PLA2G4A: variants seen among roughly 807,000 people sequenced by gnomAD.
PLA2G4A encodes cytosolic phospholipase A2.
A neutral mutation model predicts 81.9 loss-of-function variants in PLA2G4A; 40 were observed. The observed-to-expected ratio is 0.49, with a 90% CI of 0.38 to 0.64. The LOEUF is 0.64. Ranked by LOEUF, PLA2G4A falls within the 30% of genes least tolerant of loss-of-function variation. The pLI, the probability that PLA2G4A is intolerant of heterozygous loss-of-function variation, is 0.00. For synonymous variants in PLA2G4A, 302 were observed against 296.9 expected (o/e 1.02, Z -0.18); for missense variants, 715 against 905.1 (o/e 0.79, Z 2.69).
chr1:186,875,542 T>C (rs1471953225), intron 3 of PLA2G4A, among the ~76,000 whole-genome samples: 1 of 152,090 alleles, frequency 6.6e-6, no homozygotes, highest in African/African-American at 2.4e-5. Context: ...AAATGATTAA[T>C]GCATGAAATG....
chr1:186,854,538 G>A (rs1652485186), intron 2 of PLA2G4A, 151 bp downstream of exon 2: 9 of 555,044 alleles, frequency 1.6e-5, no homozygotes, highest in South Asian at 5.4e-5. Context: ...AAGAGGCTAT[G>A]GAACATAATA....
intron 3 of PLA2G4A, among the ~76,000 whole-genome samples, chr1:186,879,267 A>T (rs1653637079): frequency 6.6e-6 from 1 of 152,020 alleles, no homozygotes; most frequent in Non-Finnish European, 1.5e-5. Flanking sequence ...ATGCAAAACA[A>T]AATGACAACG....
intron 7 of PLA2G4A, among the ~76,000 whole-genome samples, chr1:186,911,622 T>A (rs1398198462): frequency 6.6e-6 from 1 of 152,204 alleles, no homozygotes; most frequent in African/African-American, 2.4e-5. Context: ...TTTTACTTTA[T>A]ATTTTAGAGC....
At chr1:186,945,050 G>GA (rs529571085) in intron 10 of PLA2G4A, among the ~76,000 whole-genome samples, 2 of 151,414 alleles carry the variant, frequency 1.3e-5, no homozygotes, top group South Asian at 2.1e-4. Flanking sequence ...AGAAAAGCTA[G>GA]AAAAAAAAAT....
At chr1:186,950,789 C>A in intron 13 of PLA2G4A, 61 bp downstream of exon 13, 1 of 870,324 alleles carries the variant, frequency 1.1e-6, no homozygotes, top group South Asian at 1.3e-5. Context: ...AACACTCTGT[C>A]TGATTTTCTC....
At chr1:186,939,611 G>A (rs12129917) in intron 9 of PLA2G4A, among the ~76,000 whole-genome samples, 38,504 of 152,014 alleles carry the variant, frequency 0.25, 5,394 homozygotes, top group Admixed American at 0.4. Context: ...AAGAAAGGAA[G>A]GGGATCGCAT....
At chr1:186,880,546 A>C (rs1165066387) in intron 3 of PLA2G4A, among the ~76,000 whole-genome samples, 3 of 152,024 alleles carry the variant, frequency 2.0e-5, no homozygotes, top group African/African-American at 7.2e-5. Flanking sequence ...AGCAGCTAGA[A>C]GTCAGGGACA....
chr1:186,913,992 G>A lies in PLA2G4A; in HGVS notation c.558+2603G>A, dbSNP rs1365801265. Among the ~76,000 whole-genome samples the A allele has an allele frequency of 2.0e-5, 3 of 152,072 alleles. No homozygotes were observed. The East Asian group carries it at 5.8e-4, about 29-fold the overall frequency. ...CTCTAAGATGAGATGCTGCTTAAGG[G>A]GAATTTTTGCTTAAAGGAAACTAAG... On this transcript the variant is annotated intron_variant, in intron 7 of 17. Coordinates refer to ENST00000367466, the MANE Select transcript of PLA2G4A (RefSeq NM_024420.3).
chr1:186,850,354 G>A (rs1452926899), intron 1 of PLA2G4A, among the ~76,000 whole-genome samples: 1 of 152,088 alleles, frequency 6.6e-6, no homozygotes, highest in Non-Finnish European at 1.5e-5. Context: ...GAAACTCATT[G>A]ATGATATTTT....
chr1:186,838,951 C>A (rs771191279), intron 1 of PLA2G4A, among the ~76,000 whole-genome samples: 2 of 152,182 alleles, frequency 1.3e-5, no homozygotes, highest in Non-Finnish European at 2.9e-5. Context: ...AAGTCACTTC[C>A]TTTTCTTTTC....
intron 3 of PLA2G4A, among the ~76,000 whole-genome samples, chr1:186,887,653 C>G (rs576974603): frequency 1.1e-4 from 16 of 152,100 alleles, no homozygotes; most frequent in African/African-American, 3.9e-4. Flanking sequence ...TGACTCAACA[C>G]GCAATTGCCC....
At chr1:186,941,422 T>C (rs1656150303) in intron 10 of PLA2G4A, among the ~76,000 whole-genome samples, 1 of 152,202 alleles carries the variant, frequency 6.6e-6, no homozygotes, top group Non-Finnish European at 1.5e-5. Context: ...TTTATTAAAA[T>C]ATTGGCTAAA....
chr1:186,987,687 C>T (rs1251804474), intron 17 of PLA2G4A, among the ~76,000 whole-genome samples: 1 of 152,208 alleles, frequency 6.6e-6, no homozygotes, highest in Non-Finnish European at 1.5e-5. Flanking sequence ...ACTAGGTTAA[C>T]TTCATACCAA....
Position 186,932,856 on chromosome 1 carries a change from C to A in PLA2G4A, c.652C>A (p.Leu218Met). Residue 218 changes from leucine to methionine, a missense_variant, in exon 8 of 18, where the codon CTG (leucine) becomes ATG (methionine). Transcript: ENST00000367466. ...GAAGGCATTATACGAATCAGGAATT[C>A]TGGATTGTGCTACCTACGTTGCTGG... ...VMKALYESGI[L>M]DCATYVAGLS... 6.2e-7 allele frequency: 1 copy of A among 1,613,014 alleles called. No individual in the cohort carries two copies. Among genetic ancestry groups the A allele is most frequent in the East Asian group, 2.2e-5 (1 of 44,874 alleles).
At chr1:186,985,523 T>G (rs967350119) in intron 17 of PLA2G4A, among the ~76,000 whole-genome samples, 3 of 152,166 alleles carry the variant, frequency 2.0e-5, no homozygotes, top group African/African-American at 4.8e-5. Flanking sequence ...ATACTTAACT[T>G]TCTCTCTTGG....
chr1:186,896,880 G>A (rs1654349851), intron 5 of PLA2G4A, among the ~76,000 whole-genome samples: 1 of 152,128 alleles, frequency 6.6e-6, no homozygotes, highest in Admixed American at 6.5e-5. Context: ...TGGCTAAGGG[G>A]AGAGTCCCCT....
chr1:186,900,935 T>G (rs1017786991), intron 5 of PLA2G4A, among the ~76,000 whole-genome samples: 1 of 152,156 alleles, frequency 6.6e-6, no homozygotes, highest in Non-Finnish European at 1.5e-5. Flanking sequence ...TGCTTATTCA[T>G]GAGTGCAACT....
At chr1:186,841,472 G>C (rs1651980541) in intron 1 of PLA2G4A, among the ~76,000 whole-genome samples, 1 of 152,200 alleles carries the variant, frequency 6.6e-6, no homozygotes, top group South Asian at 2.1e-4. Flanking sequence ...AGGGTATAAA[G>C]AAAGAGTACC....
intron 7 of PLA2G4A, 49 bp downstream of exon 7, chr1:186,911,438 C>G (rs773705819): frequency 1.5e-6 from 2 of 1,367,586 alleles, no homozygotes; most frequent in Non-Finnish European, 2.1e-6. Context: ...AATAATTTAG[C>G]TTGGACAATT....
Sources: gnomAD v4.1 joint callset for allele counts (sites outside exome capture counted in the v4.1 genomes callset) on GRCh38, gnomAD v4.1.1 for gene constraint, MANE v1.5 for transcripts, NCBI Gene and HGNC (gene_info 2026-07-23, HGNC 2026-07-21) for gene names.